LINGO2: variants seen among roughly 807,000 people sequenced by gnomAD.
The protein encoded by LINGO2 is leucine-rich repeat and immunoglobulin-like domain-containing nogo receptor-interacting protein 2.
In LINGO2, 14 loss-of-function variants were observed where a neutral mutation model predicts 30.6. That is an observed-to-expected ratio of 0.46 (90% confidence interval 0.30 to 0.72). The LOEUF is 0.72. Ranked by LOEUF, LINGO2 falls within the 30% of genes least tolerant of loss-of-function variation. LINGO2 has a pLI of 0.07. For missense variants in LINGO2, 729 were observed against 751.7 expected (o/e 0.97, Z 0.35); for synonymous variants, 317 against 288.5 (o/e 1.10, Z -1.00).
intron 3 of LINGO2, among the ~76,000 whole-genome samples, chr9:28,356,780 T>C (rs1820226154): frequency 6.6e-6 from 1 of 152,066 alleles, no homozygotes; most frequent in South Asian, 2.1e-4. Context: ...AGAAAGTGCA[T>C]CCTTCTATTG....
chr9:28,011,194 C>T (rs963860347), intron 5 of LINGO2, among the ~76,000 whole-genome samples: 8 of 152,110 alleles, frequency 5.3e-5, no homozygotes, highest in African/African-American at 1.9e-4. Context: ...ATTTTTAAAT[C>T]AGCAGTAAGG....
chr9:28,857,844 C>T, the LINGO2 span, among the ~76,000 whole-genome samples: 46 of 151,830 alleles, frequency 3.0e-4, no homozygotes, highest in African/African-American at 1.0e-3. Flanking sequence ...ATTTTGGATA[C>T]ATTGGATTAC....
intron 1 of LINGO2, among the ~76,000 whole-genome samples, chr9:28,614,628 G>C (rs1356224934): frequency 1.3e-5 from 2 of 152,076 alleles, no homozygotes; most frequent in Non-Finnish European, 2.9e-5. Flanking sequence ...TTGGAAGGCA[G>C]GCAGAGAAAT....
At chr9:29,036,147 T>C in the LINGO2 span, among the ~76,000 whole-genome samples, 1 of 152,100 alleles carries the variant, frequency 6.6e-6, no homozygotes, top group Non-Finnish European at 1.5e-5. Context: ...TTAGTGTTAA[T>C]TTATCAATAC....
chr9:28,771,445 C>G, the LINGO2 span, among the ~76,000 whole-genome samples: 1 of 137,648 alleles, frequency 7.3e-6, no homozygotes, highest in South Asian at 2.4e-4. Context: ...TCTTTTCTTT[C>G]CTATTTGGTG....
the LINGO2 span, among the ~76,000 whole-genome samples, chr9:29,108,789 G>A: frequency 6.6e-6 from 1 of 152,124 alleles, no homozygotes; most frequent in Non-Finnish European, 1.5e-5. Flanking sequence ...TTACTGAAGT[G>A]GGCACCAACA....
chr9:28,810,601 G>A, the LINGO2 span, among the ~76,000 whole-genome samples: 2 of 152,040 alleles, frequency 1.3e-5, no homozygotes, highest in South Asian at 4.1e-4. Flanking sequence ...GAGAAATGGT[G>A]ACTCACTTTA....
chr9:28,999,164 T>C, the LINGO2 span, among the ~76,000 whole-genome samples: 1 of 152,102 alleles, frequency 6.6e-6, no homozygotes, highest in South Asian at 2.1e-4. Context: ...TACAGTGTTG[T>C]CAGTGTACAC....
chr9:29,127,070 A>G, the LINGO2 span, among the ~76,000 whole-genome samples: 1 of 152,034 alleles, frequency 6.6e-6, no homozygotes, highest in African/African-American at 2.4e-5. Context: ...TCCATGACCA[A>G]TCAGATTGGT....
In LINGO2 at chr9:28,023,594, C is replaced by T. The variant is rs116867933; in HGVS notation, c.-86-11189G>A. 3.6e-3 allele frequency among the ~76,000 whole-genome samples: 544 copies of T among 152,280 alleles called. 3 individuals carry two copies. Among genetic ancestry groups the T allele is most frequent in the Middle Eastern group, 0.01 (3 of 294 alleles). The stretch of plus-strand genomic sequence containing the variant: ...CTTACAAGTTTTCTTAGCTTCTCCG[C>T]AGCCCAGTTGAAACAGGAAAGCTAG... On this transcript the variant is annotated intron_variant, in intron 4 of 5. Transcript: ENST00000379992.
intron 2 of LINGO2, among the ~76,000 whole-genome samples, chr9:28,414,865 T>G (rs1822907170): frequency 6.6e-6 from 1 of 152,082 alleles, no homozygotes; most frequent in South Asian, 2.1e-4. Context: ...ATTAAGATTT[T>G]GTGAGTGAAA....
intron 5 of LINGO2, among the ~76,000 whole-genome samples, chr9:28,001,720 G>A (rs954438833): frequency 2.6e-5 from 4 of 151,776 alleles, no homozygotes; most frequent in East Asian, 1.9e-4. Context: ...AAAAGCACAA[G>A]TACAGCTGAA....
At chr9:28,436,824 G>A (rs1370488810) in intron 2 of LINGO2, among the ~76,000 whole-genome samples, 1 of 152,162 alleles carries the variant, frequency 6.6e-6, no homozygotes, top group Non-Finnish European at 1.5e-5. Flanking sequence ...AGTACTGCAT[G>A]GTAGCAAGAG....
the LINGO2 span, among the ~76,000 whole-genome samples, chr9:28,862,489 T>C: frequency 6.6e-6 from 1 of 152,140 alleles, no homozygotes; most frequent in African/African-American, 2.4e-5. Flanking sequence ...TTTTCTTTTA[T>C]CTAACAGAAG....
the LINGO2 span, among the ~76,000 whole-genome samples, chr9:28,844,524 A>T: frequency 6.6e-6 from 1 of 151,882 alleles, no homozygotes; most frequent in Admixed American, 6.5e-5. Context: ...GCAGTCTTTA[A>T]AATACTAACT....
At chr9:28,943,736 C>T in the LINGO2 span, among the ~76,000 whole-genome samples, 7 of 152,052 alleles carry the variant, frequency 4.6e-5, no homozygotes, top group Non-Finnish European at 1.0e-4. Context: ...AAAAGGATAA[C>T]AGGGCTGGTG....
chr9:29,158,307 G>T, the LINGO2 span, among the ~76,000 whole-genome samples: 2 of 151,972 alleles, frequency 1.3e-5, no homozygotes, highest in African/African-American at 4.8e-5. Flanking sequence ...AGCGAGCTGA[G>T]ATCCTGTCAC....
chr9:28,558,963 AAGT>A (rs1360996241), intron 1 of LINGO2, among the ~76,000 whole-genome samples: 12 of 152,082 alleles, frequency 7.9e-5, no homozygotes, highest in African/African-American at 2.9e-4. Flanking sequence ...TTAGAGAAAA[AAGT>A]AGTATATTTG....
the LINGO2 span, among the ~76,000 whole-genome samples, chr9:29,167,812 G>A: frequency 6.6e-6 from 1 of 151,986 alleles, no homozygotes; most frequent in Non-Finnish European, 1.5e-5. Flanking sequence ...AACAATCTGT[G>A]AAAAATGACT....
Sources: allele counts gnomAD v4.1 joint callset (sites outside exome capture counted in the v4.1 genomes callset), GRCh38; gene constraint gnomAD v4.1.1; transcripts MANE v1.5; gene names NCBI Gene and HGNC (gene_info 2026-07-23, HGNC 2026-07-21).